CDH13: variants seen among roughly 807,000 people sequenced by gnomAD.
CDH13 encodes the protein cadherin 13, also known as cadherin-13.
A neutral mutation model predicts 63.8 loss-of-function variants in CDH13; 24 were observed. The ratio of observed to expected loss-of-function variants is 0.38; its 90% CI spans 0.27 to 0.53. CDH13 has a LOEUF of 0.53. CDH13 is among the 20% of genes least tolerant of loss of function. The probability of loss-of-function intolerance (pLI) is 0.85; values close to 1 mark genes in which losing one functional copy is unlikely to be tolerated. For synonymous variants in CDH13, 503 were observed against 355.3 expected (o/e 1.42, Z -4.67); for missense variants, 1,049 against 903.1 (o/e 1.16, Z -2.07).
At chr16:83,014,534 G>A (rs1190768171) in intron 2 of CDH13, among the ~76,000 whole-genome samples, 1 of 150,808 alleles carries the variant, frequency 6.6e-6, no homozygotes, top group Non-Finnish European at 1.5e-5. Flanking sequence ...AGGAGTTGAA[G>A]ACCAGCCTGG....
At chr16:83,700,706 A>T (rs944892146) in intron 10 of CDH13, among the ~76,000 whole-genome samples, 2 of 152,240 alleles carry the variant, frequency 1.3e-5, no homozygotes, top group South Asian at 2.1e-4. Flanking sequence ...ATTAACAAAC[A>T]TGGAGCAGCA....
At chr16:83,195,473 T>A (rs1031402395) in intron 4 of CDH13, among the ~76,000 whole-genome samples, 1 of 152,036 alleles carries the variant, frequency 6.6e-6, no homozygotes, top group African/African-American at 2.4e-5. Flanking sequence ...GGAGCAGGTG[T>A]CTTACAGGGC....
chr16:83,664,133 G>C (rs906717389), intron 8 of CDH13, among the ~76,000 whole-genome samples: 3 of 152,022 alleles, frequency 2.0e-5, no homozygotes, highest in African/African-American at 7.3e-5. Context: ...TTCCAGTCTA[G>C]GCAACAGAGC....
At chr16:83,131,497 A>T (rs1229518545) in intron 4 of CDH13, among the ~76,000 whole-genome samples, 1 of 152,166 alleles carries the variant, frequency 6.6e-6, no homozygotes. Context: ...GACTATTTCA[A>T]AATTTGGGCC....
intron 8 of CDH13, among the ~76,000 whole-genome samples, chr16:83,648,756 C>T (rs759652545): frequency 4.6e-5 from 7 of 152,192 alleles, no homozygotes; most frequent in African/African-American, 1.7e-4. Flanking sequence ...TCTCTATTCT[C>T]TCTCTCCCTC....
At chr16:82,907,941 T>C (rs2041703804) in intron 2 of CDH13, among the ~76,000 whole-genome samples, 2 of 152,168 alleles carry the variant, frequency 1.3e-5, no homozygotes, top group Admixed American at 1.3e-4. Flanking sequence ...CAAAAAATTT[T>C]TTTCCACTTC....
At chr16:82,934,611 G>T (rs2042606983) in intron 2 of CDH13, among the ~76,000 whole-genome samples, 1 of 152,154 alleles carries the variant, frequency 6.6e-6, no homozygotes, top group Admixed American at 6.5e-5. Flanking sequence ...TTGTCAGGTT[G>T]CAAATTTTCC....
At chr16:83,602,973 C>T (rs986383451) in intron 8 of CDH13, among the ~76,000 whole-genome samples, 1 of 152,120 alleles carries the variant, frequency 6.6e-6, no homozygotes, top group Admixed American at 6.5e-5. Flanking sequence ...AGAGGCCAGA[C>T]GGAACAGTAG....
intron 2 of CDH13, among the ~76,000 whole-genome samples, chr16:82,995,459 G>A (rs142654428): frequency 1.3e-5 from 2 of 152,154 alleles, no homozygotes; most frequent in Non-Finnish European, 2.9e-5. Context: ...AAACGCAAAC[G>A]TGGTGGTGAA....
At chr16:83,019,961 A>G (rs1915194291) in intron 2 of CDH13, among the ~76,000 whole-genome samples, 1 of 152,068 alleles carries the variant, frequency 6.6e-6, no homozygotes, top group African/African-American at 2.4e-5. Flanking sequence ...GACTTTTATG[A>G]CTGAAAGTGC....
chr16:83,520,844 T>C (rs2074815561), intron 7 of CDH13, among the ~76,000 whole-genome samples: 2 of 152,208 alleles, frequency 1.3e-5, no homozygotes, highest in South Asian at 4.1e-4. Context: ...CACATGGCTC[T>C]GGCCTCAGTT....
intron 6 of CDH13, among the ~76,000 whole-genome samples, chr16:83,359,905 A>G (rs1007999313): frequency 4.6e-5 from 7 of 152,200 alleles, no homozygotes; most frequent in African/African-American, 1.7e-4. Context: ...GAACATTTCT[A>G]TTATCCCAGA....
intron 1 of CDH13, among the ~76,000 whole-genome samples, chr16:82,799,504 G>A (rs1002727808): frequency 6.6e-6 from 1 of 152,140 alleles, no homozygotes; most frequent in Non-Finnish European, 1.5e-5. Context: ...ATACCATCAG[G>A]GTAAACACAT....
chr16:83,783,556 C>A, intron 13 of CDH13, 84 bp downstream of exon 13: 1 of 992,562 alleles, frequency 1.0e-6, no homozygotes, highest in Non-Finnish European at 1.6e-6. Context: ...TCCCATATAC[C>A]TTTCCAAGAA....
chr16:82,700,074 T>A (rs2150989146), intron 1 of CDH13, among the ~76,000 whole-genome samples: 1 of 152,318 alleles, frequency 6.6e-6, no homozygotes, highest in Non-Finnish European at 1.5e-5. Context: ...CAAAGTATAT[T>A]TTATGGATAT....
chr16:83,441,163 C>T (rs1028191490), intron 6 of CDH13, among the ~76,000 whole-genome samples: 6 of 152,176 alleles, frequency 3.9e-5, no homozygotes, highest in Admixed American at 6.5e-5. Context: ...GGTCAGTAGT[C>T]ATCTGGTCGA....
intron 7 of CDH13, among the ~76,000 whole-genome samples, chr16:83,591,335 T>G (rs543355882): frequency 1.2e-4 from 19 of 152,358 alleles, no homozygotes; most frequent in African/African-American, 3.8e-4. Context: ...AAATAGTACT[T>G]GAGCATCTCA....
chr16:82,738,423 G>A (rs1180675293), intron 1 of CDH13, among the ~76,000 whole-genome samples: 2 of 152,198 alleles, frequency 1.3e-5, no homozygotes, highest in Non-Finnish European at 2.9e-5. Context: ...GTCCTCACCT[G>A]AAATCTCTCT....
intron 5 of CDH13, among the ~76,000 whole-genome samples, chr16:83,321,309 C>T (rs540471145): frequency 6.6e-6 from 1 of 152,282 alleles, no homozygotes; most frequent in African/African-American, 2.4e-5. Flanking sequence ...AAGCTCGTGG[C>T]AATGTGTACT....
Sources: gnomAD v4.1 joint callset for allele counts (sites outside exome capture counted in the v4.1 genomes callset) on GRCh38, gnomAD v4.1.1 for gene constraint, MANE v1.5 for transcripts, NCBI Gene and HGNC (gene_info 2026-07-23, HGNC 2026-07-21) for gene names.